Variants in DAGLA observed in about 807,000 individuals in gnomAD.
The protein encoded by DAGLA is diacylglycerol lipase alpha.
Under a neutral mutation model 102.6 loss-of-function variants are expected in DAGLA, and 22 were observed. The ratio of observed to expected loss-of-function variants is 0.21; its 90% confidence interval spans 0.15 to 0.31. DAGLA has a LOEUF of 0.31. Ranked by LOEUF, DAGLA falls within the 10% of genes least tolerant of loss-of-function variation. DAGLA has a pLI of 1.00. For synonymous variants in DAGLA, 578 were observed against 628.9 expected (o/e 0.92, Z 1.21); for missense variants, 927 against 1,446.6 (o/e 0.64, Z 5.83).
chr11:61,701,522 G>A (rs1035971127), intron 1 of DAGLA, among the ~76,000 whole-genome samples: 2 of 152,244 alleles, frequency 1.3e-5, no homozygotes, highest in African/African-American at 4.8e-5. Context: ...GCCCCCATGT[G>A]GTGGGGATGT....
intron 1 of DAGLA, among the ~76,000 whole-genome samples, chr11:61,690,126 C>G (rs1386549105): frequency 6.6e-6 from 1 of 152,214 alleles, no homozygotes; most frequent in African/African-American, 2.4e-5. Context: ...AGTGCACCCC[C>G]AGGGCCAGAA....
chr11:61,709,306 G>A (rs554624973), intron 1 of DAGLA, among the ~76,000 whole-genome samples: 3 of 152,200 alleles, frequency 2.0e-5, no homozygotes, highest in South Asian at 2.1e-4. Context: ...GTGCAATGTC[G>A]CAATCTTCGC....
rs2065070451 is a variant in DAGLA at position 61,696,802 on chromosome 11, C to T, written c.-45+16298C>T. Reference sequence around the variant, plus strand: ...CAGTGGGGTGGAGGTGTTGCAATTACCGTGTGTAGGGGGCTGGGGGAGGAC... The same window carrying T: ...CAGTGGGGTGGAGGTGTTGCAATTATCGTGTGTAGGGGGCTGGGGGAGGAC... On this transcript the variant is annotated intron_variant, in intron 1 of 19. Coordinates refer to ENST00000257215, the MANE Select transcript of DAGLA (RefSeq NM_006133.3). Among the ~76,000 whole-genome samples, 3 of 152,086 alleles carry T rather than the reference C, an allele frequency of 2.0e-5. No individual in the cohort carries two copies. The South Asian group carries it at 6.2e-4, about 32-fold the overall frequency.
At chr11:61,735,489 C>A in intron 10 of DAGLA, 72 bp from the exon 11 acceptor site, 2 of 1,391,322 alleles carry the variant, frequency 1.4e-6, no homozygotes, top group South Asian at 1.2e-5. Flanking sequence ...AGGAAGGAGA[C>A]CTGCCTAGGT....
At position 61,723,460 on chromosome 11, in the gene DAGLA, A is replaced by G. The variant is rs1409938560; in HGVS notation, c.436A>G (p.Ile146Val). The G allele has an allele frequency of 5.0e-6, 8 of 1,613,396 alleles. No homozygotes were observed. The highest frequency in any genetic ancestry group is 1.7e-6 in the Non-Finnish European group (2 of 1,179,496). Residue 146 changes from isoleucine to valine, a missense_variant, in exon 5 of 20, where the codon ATC becomes GTC. Ile to Val is a conservative substitution (Grantham distance 29). Around this residue, in one of 4 missense-constraint regions of DAGLA, gnomAD observed 231 missense variants for 439.8 expected, o/e 0.53. Transcript: ENST00000257215. ...AATGGTTGTCTGCAACTGGGTAGTC[A>G]TCCTCAGTGTGTGCATCACTGTCCT... ...LGMVVCNWVV[I>V]LSVCITVLCV...
intron 1 of DAGLA, among the ~76,000 whole-genome samples, chr11:61,688,888 C>T (rs2065004719): frequency 6.6e-6 from 1 of 152,266 alleles, no homozygotes; most frequent in Non-Finnish European, 1.5e-5. Flanking sequence ...TGGGAATCCT[C>T]TGCTTTCTCA....
chr11:61,718,925 C>T (rs1056987953), intron 1 of DAGLA, among the ~76,000 whole-genome samples: 2 of 152,300 alleles, frequency 1.3e-5, no homozygotes, highest in African/African-American at 2.4e-5. Context: ...CGAATGATGC[C>T]GGGCTCCTCG....
rs879718024 is a variant in DAGLA at position 61,711,295 on chromosome 11, A to C, written c.-44-8817A>C. On this transcript the variant is annotated intron_variant, in intron 1 of 19. Coordinates refer to ENST00000257215, the MANE Select transcript of DAGLA (RefSeq NM_006133.3). ...CGCACCCATCACAGAGGCCAGCAGAACCCGCCTGTCTGGGCCTCTCCAGAG... is the reference window on the plus strand; with the variant it reads ...CGCACCCATCACAGAGGCCAGCAGACCCCGCCTGTCTGGGCCTCTCCAGAG... Among the ~76,000 whole-genome samples the C allele has an allele frequency of 2.5e-3, 388 of 152,172 alleles. 4 individuals are homozygous for C. The highest frequency in any genetic ancestry group is 2.4e-3 in the Non-Finnish European group (165 of 67,978).
chr11:61,709,428 G>T (rs1435757821), intron 1 of DAGLA, among the ~76,000 whole-genome samples: 3 of 152,172 alleles, frequency 2.0e-5, no homozygotes, highest in Non-Finnish European at 4.4e-5. Flanking sequence ...TAGAGACGGG[G>T]TTTCACCATG....
Position 61,744,058 on chromosome 11 carries a change from G to T in DAGLA, c.2698G>T (p.Gly900Trp), listed in dbSNP as rs763111465. ...ASRGELALHN[G>W]RLGDSPSPQV... ...CCGCGGGGAGCTGGCGCTGCACAAT[G>T]GGCGCCTGGGGGACTCGCCCAGTCC... The change falls in exon 20 of 20, where the codon GGG becomes TGG. Residue 900 changes from glycine to tryptophan, a missense_variant. Gly to Trp is a radical substitution (Grantham distance 184). This residue lies in a region of DAGLA where 434 missense variants were observed against 503.3 expected (regional missense o/e 0.86). Transcript: ENST00000257215. 6.2e-7 allele frequency: 1 copy of T among 1,612,776 alleles called. No homozygotes were observed. Among genetic ancestry groups the T allele is most frequent in the East Asian group, 2.2e-5 (1 of 44,864 alleles).
intron 1 of DAGLA, among the ~76,000 whole-genome samples, chr11:61,719,545 G>A (rs2065265262): frequency 6.6e-6 from 1 of 152,344 alleles, no homozygotes; most frequent in South Asian, 2.1e-4. Context: ...TACTTACTGA[G>A]CACCTGCTCT....
intron 19 of DAGLA, among the ~76,000 whole-genome samples, chr11:61,741,610 T>TC (rs1041102993): frequency 2.0e-5 from 3 of 149,550 alleles, no homozygotes; most frequent in African/African-American, 7.3e-5. Flanking sequence ...ATTCACTCTT[T>TC]TTTTTTTTTT....
chr11:61,720,609 C>A, intron 2 of DAGLA, 70 bp from the exon 3 acceptor site: 1 of 1,455,222 alleles, frequency 6.9e-7, no homozygotes, highest in Non-Finnish European at 9.6e-7. Flanking sequence ...TGGGGAAGGG[C>A]CTGCCTGCTA....
chr11:61,716,715 G>A (rs2065238535), intron 1 of DAGLA, among the ~76,000 whole-genome samples: 1 of 152,182 alleles, frequency 6.6e-6, no homozygotes, highest in South Asian at 2.1e-4. Context: ...GCAGGCCATG[G>A]GGAGCCAGGA....
chr11:61,738,319 G>T, intron 16 of DAGLA, 112 bp downstream of exon 16: 1 of 852,122 alleles, frequency 1.2e-6, no homozygotes, highest in Non-Finnish European at 1.8e-6. Flanking sequence ...GAAGGCCAGG[G>T]CAGGGTGTGG....
At chr11:61,731,261 T>A in intron 8 of DAGLA, 56 bp from the exon 9 acceptor site, 2 of 1,604,006 alleles carry the variant, frequency 1.2e-6, no homozygotes, top group Non-Finnish European at 1.7e-6. Context: ...TGCTGGGCCC[T>A]GAGGCTGTAG....
At chr11:61,725,252 G>A (rs1591044401) in intron 5 of DAGLA, among the ~76,000 whole-genome samples, 1 of 152,170 alleles carries the variant, frequency 6.6e-6, no homozygotes, top group Non-Finnish European at 1.5e-5. Flanking sequence ...TCCAGCCTAG[G>A]AGGAACCTCT....
Position 61,740,589 on chromosome 11 carries a change from C to A in DAGLA, c.1980C>A (p.Asn660Lys). The A allele has an allele frequency of 6.2e-7, 1 of 1,613,228 alleles. No individual in the cohort carries two copies. Among genetic ancestry groups the A allele is most frequent in the East Asian group, 2.2e-5 (1 of 44,868 alleles). Residue 660 changes from asparagine to lysine, a missense_variant, in exon 18 of 20, where the codon AAC becomes AAA. By Grantham distance (94) the Asn-to-Lys change is moderately conservative. This residue lies in a region of DAGLA where 218 missense variants were observed against 459.6 expected (regional missense o/e 0.47). Coordinates refer to ENST00000257215, the MANE Select transcript of DAGLA (RefSeq NM_006133.3). ...CCTATGTGGTCATGGAGGGGCTCAA[C>A]AAGGTGAGGCAGCTCCCGGCAGGGT... ...HLPYVVMEGL[N>K]KVLENYNKGK...
At chr11:61,739,046 C>T (rs895795402) in intron 16 of DAGLA, among the ~76,000 whole-genome samples, 2 of 152,186 alleles carry the variant, frequency 1.3e-5, no homozygotes, top group Non-Finnish European at 2.9e-5. Context: ...CCAGATTAGT[C>T]CTGGGCTTTT....
Sources: allele counts gnomAD v4.1 joint callset (sites outside exome capture counted in the v4.1 genomes callset), GRCh38; gene constraint gnomAD v4.1.1; regional missense constraint gnomAD v4.1.1; transcripts MANE v1.5; gene names NCBI Gene and HGNC (gene_info 2026-07-23, HGNC 2026-07-21).